The following GPATCH1 variants were observed in gnomAD, a reference collection of about 807,000 sequenced individuals.
The protein encoded by GPATCH1 is G patch domain-containing protein 1.
Under a neutral mutation model 114.9 loss-of-function variants are expected in GPATCH1, and 73 were observed. The observed-to-expected ratio is 0.64, with a 90% CI of 0.53 to 0.77. The LOEUF (loss-of-function observed/expected upper bound fraction) is 0.77. GPATCH1 is among the 30% of genes least tolerant of loss of function. The pLI, the probability that GPATCH1 is intolerant of heterozygous loss-of-function variation, is 0.00. For missense variants in GPATCH1, 1,058 were observed against 1,144.3 expected (o/e 0.92, Z 1.09); for synonymous variants, 391 against 428.4 (o/e 0.91, Z 1.08).
At chr19:33,111,668 G>C in intron 11 of GPATCH1, 56 bp from the exon 12 acceptor site, 1 of 1,524,918 alleles carries the variant, frequency 6.6e-7, no homozygotes, top group South Asian at 1.2e-5. Context: ...ATGTTCTCTT[G>C]TAAGCCCCAT....
rs762141717 is a variant in GPATCH1, at chr19:33,125,348, A to G, written c.2619+146A>G. 1.4e-5 allele frequency: 13 copies of G among 908,700 alleles called. No homozygotes were observed. The East Asian group carries it at 1.6e-4, about 11-fold the overall frequency. 56.3% of individuals were successfully genotyped at this position (908,700 alleles called of 1,614,324 possible). On this transcript the variant is annotated intron_variant, in intron 18 of 19. Transcript: ENST00000170564. ...GACTTAACAGAAATGTTGACATTCA[A>G]TTCAAATGCTTGATTTTTCAGAAAC...
chr19:33,108,534 A>G (rs1283706735), intron 10 of GPATCH1, among the ~76,000 whole-genome samples: 1 of 148,134 alleles, frequency 6.8e-6, no homozygotes, highest in African/African-American at 2.5e-5. Flanking sequence ...CTTATGACTT[A>G]TCTCGAATGT....
At chr19:33,101,399 T>A in intron 8 of GPATCH1, 96 bp from the exon 9 acceptor site, 1 of 739,434 alleles carries the variant, frequency 1.4e-6, no homozygotes. Flanking sequence ...CACGTACTAT[T>A]TATGTTCTTA....
chr19:33,090,623 T>C (rs1038390657), intron 2 of GPATCH1, among the ~76,000 whole-genome samples, 157 bp from the exon 3 acceptor site: 3 of 152,200 alleles, frequency 2.0e-5, no homozygotes, highest in African/African-American at 7.2e-5. Context: ...ATAAGAAATT[T>C]ATGTGGAATA....
At chr19:33,118,236 GGC>G (rs1234009364) in intron 16 of GPATCH1, among the ~76,000 whole-genome samples, 195 bp downstream of exon 16, 1 of 145,712 alleles carries the variant, frequency 6.9e-6, no homozygotes, top group Non-Finnish European at 1.5e-5. Flanking sequence ...GGAGTACAGT[GGC>G]GCAATCTTCG....
chr19:33,100,193 T>C (rs1223063228), intron 8 of GPATCH1: 2 of 152,218 alleles, frequency 1.3e-5, no homozygotes, highest in Non-Finnish European at 2.9e-5. Context: ...AATGAACTCA[T>C]AAACATGAAA....
chr19:33,095,894 G>A (rs1480490861), intron 6 of GPATCH1, 74 bp downstream of exon 6: 1 of 1,103,166 alleles, frequency 9.1e-7, no homozygotes, highest in Non-Finnish European at 1.4e-6. Flanking sequence ...AATTTGGTTG[G>A]AGACAATTTT....
At chr19:33,092,355 CTT>C (rs1972606076) in intron 3 of GPATCH1, among the ~76,000 whole-genome samples, 1 of 152,050 alleles carries the variant, frequency 6.6e-6, no homozygotes, top group African/African-American at 2.4e-5. Flanking sequence ...CCGGCAGTCT[CTT>C]TTCTTAAAAG....
chr19:33,120,313 C>T (rs1392003736), intron 17 of GPATCH1, among the ~76,000 whole-genome samples: 1,185 of 54,988 alleles, frequency 0.022, 18 homozygotes, highest in African/African-American at 0.18. Context: ...ATATTTTATA[C>T]ATAAAAATGA....
chr19:33,105,288 C>T (rs1415392643), intron 9 of GPATCH1, among the ~76,000 whole-genome samples: 3 of 151,126 alleles, frequency 2.0e-5, no homozygotes, highest in Non-Finnish European at 4.4e-5. Context: ...AAAAATTAGC[C>T]AGGCATGGTG....
chr19:33,096,126 A>G (rs1277874827), intron 6 of GPATCH1, 81 bp from the exon 7 acceptor site: 2 of 1,379,730 alleles, frequency 1.4e-6, no homozygotes, highest in African/African-American at 2.9e-5. Context: ...GGCATTAATC[A>G]CTGCGTTTTC....
Position 33,096,424 on chromosome 19 carries a change from G to C in GPATCH1, c.830G>C (p.Arg277Thr). 6.2e-7 allele frequency: 1 copy of C among 1,610,720 alleles called. No homozygotes were observed. Among genetic ancestry groups the C allele is most frequent in the Non-Finnish European group, 8.5e-7 (1 of 1,178,892 alleles). Residue 277 changes from arginine (R) to threonine (T), a missense_variant, in exon 7 of 20, where the codon AGA becomes ACA. Physicochemically the swap from Arg to Thr is moderately conservative, Grantham distance 71. This residue lies in a region of GPATCH1 where 893 missense variants were observed against 977.4 expected (regional missense o/e 0.91). Coordinates refer to ENST00000170564, the MANE Select transcript of GPATCH1 (RefSeq NM_018025.3). ...GGAGAAATTGGACTGAATAAAGGAA[G>C]AAAATTGGGAATTTCAGGCCAGGTA... ...DLGEIGLNKG[R>T]KLGISGQAFG...
Position 33,112,579 on chromosome 19 carries a change from T to C in GPATCH1, c.1858T>C (p.Cys620Arg). 6.2e-7 allele frequency: 1 copy of C among 1,613,918 alleles called. No homozygotes were observed. The highest frequency in any genetic ancestry group is 8.5e-7 in the Non-Finnish European group (1 of 1,179,834). The change falls in exon 13 of 20, where the codon TGT (cysteine) becomes CGT (arginine). Residue 620 changes from cysteine to arginine, a missense_variant. Cys to Arg is a radical substitution (Grantham distance 180). Transcript: ENST00000170564. The part of the protein sequence containing the change: ...TFEWHPDKLL[C>R]KRFNVPDPYP... ...TGAGTGGCACCCTGACAAGCTTCTA[T>C]GTAAGAGATTTAATGTCCCTGACCC...
intron 19 of GPATCH1, among the ~76,000 whole-genome samples, chr19:33,129,089 C>G (rs1973074817): frequency 6.6e-6 from 1 of 151,816 alleles, no homozygotes; most frequent in Non-Finnish European, 1.5e-5. Context: ...CCCATCTCTA[C>G]TAAAAAAACT....
intron 1 of GPATCH1, among the ~76,000 whole-genome samples, chr19:33,087,219 C>T (rs1174688613): frequency 6.6e-6 from 1 of 152,258 alleles, no homozygotes; most frequent in East Asian, 1.9e-4. Context: ...GTATAACCTA[C>T]TTCCTCTTGT....
chr19:33,119,710 A>AG (rs1444460764), intron 17 of GPATCH1, among the ~76,000 whole-genome samples: 2 of 147,708 alleles, frequency 1.4e-5, no homozygotes, highest in African/African-American at 5.0e-5. Context: ...AAAAAAAAAA[A>AG]AGGGGCTGCA....
intron 7 of GPATCH1, 73 bp downstream of exon 7, chr19:33,096,519 A>G: frequency 7.8e-7 from 1 of 1,286,370 alleles, no homozygotes; most frequent in Non-Finnish European, 1.1e-6. Context: ...TCTTCTTTTT[A>G]GAGGTTCTTT....
intron 17 of GPATCH1, among the ~76,000 whole-genome samples, chr19:33,121,093 A>G (rs1342723841): frequency 1.3e-5 from 2 of 151,704 alleles, no homozygotes; most frequent in Non-Finnish European, 2.9e-5. Context: ...AGAGTATTTA[A>G]GACTAATATA....
chr19:33,115,966 C>T (rs1350949208), intron 15 of GPATCH1, among the ~76,000 whole-genome samples: 1 of 151,278 alleles, frequency 6.6e-6, no homozygotes, highest in Non-Finnish European at 1.5e-5. Context: ...TTCCCCTTCT[C>T]TGCCTTCTTT....
Sources: allele counts gnomAD v4.1 joint callset (sites outside exome capture counted in the v4.1 genomes callset), GRCh38; gene constraint gnomAD v4.1.1; regional missense constraint gnomAD v4.1.1; transcripts MANE v1.5; gene names NCBI Gene and HGNC (gene_info 2026-07-23, HGNC 2026-07-21).